The following PAWR variants were observed in gnomAD, a reference collection of about 807,000 sequenced individuals.
The protein encoded by PAWR is pro-apoptotic WT1 regulator, also known as PRKC apoptosis WT1 regulator protein.
In PAWR, 23 loss-of-function variants were observed where a neutral mutation model predicts 32.0. The ratio of observed to expected loss-of-function variants is 0.72; its 90% CI spans 0.52 to 1.02. PAWR has a LOEUF of 1.02. Among genes scored for constraint, PAWR ranks in the 50% least tolerant of loss-of-function variants. The pLI is 0.00. For missense variants in PAWR, 457 were observed against 437.7 expected (o/e 1.04, Z -0.39); for synonymous variants, 226 against 187.1 (o/e 1.21, Z -1.70).
At chr12:79,653,731 G>A (rs1055033705) in intron 2 of PAWR, among the ~76,000 whole-genome samples, 2 of 152,132 alleles carry the variant, frequency 1.3e-5, no homozygotes, top group Non-Finnish European at 1.5e-5. Context: ...CGCCCGCCTC[G>A]GCCTCCCAAA....
At chr12:79,683,299 C>T (rs1878530333) in intron 2 of PAWR, among the ~76,000 whole-genome samples, 1 of 152,192 alleles carries the variant, frequency 6.6e-6, no homozygotes. Context: ...AACATTTTCA[C>T]AAACATCATT....
chr12:79,639,182 T>C (rs777368603), intron 2 of PAWR, among the ~76,000 whole-genome samples: 41 of 151,490 alleles, frequency 2.7e-4, no homozygotes, highest in Non-Finnish European at 5.5e-4. Context: ...CAGTGCTGGA[T>C]AGGTGTGACA....
chr12:79,597,909 C>G (rs1873822272), intron 4 of PAWR: 1 of 152,092 alleles, frequency 6.6e-6, no homozygotes, highest in Non-Finnish European at 1.5e-5. Flanking sequence ...AGTTTTTAAT[C>G]AAGATGTTGG....
At chr12:79,657,623 C>T (rs1877155194) in intron 2 of PAWR, among the ~76,000 whole-genome samples, 1 of 152,010 alleles carries the variant, frequency 6.6e-6, no homozygotes, top group Admixed American at 6.6e-5. Flanking sequence ...AACCCCGTCT[C>T]TACTAAAAAC....
In PAWR at chr12:79,590,537, G is replaced by A. The variant is rs1873523441; in HGVS notation, c.*2070C>T. The A allele has an allele frequency of 6.6e-6, 1 of 152,094 alleles. No individual in the cohort carries two copies. Among genetic ancestry groups the A allele is most frequent in the South Asian group, 2.1e-4 (1 of 4,826 alleles). The allele number at this position is 152,094 out of a possible 1,614,324, so 9.4% of individuals were successfully genotyped here. A position where few individuals can be genotyped will look rare whatever the true frequency, so the allele number is the denominator to read the frequency against. On this transcript the variant is annotated 3_prime_UTR_variant, in exon 7 of 7. Transcript: ENST00000328827. ...ATAATTTTTTTAAGTGAAATGAAATGTTCCTTTATTTACATATGAATTAAA... is the reference window on the plus strand; with the variant it reads ...ATAATTTTTTTAAGTGAAATGAAATATTCCTTTATTTACATATGAATTAAA...
chr12:79,618,723 T>C (rs1874863621), intron 3 of PAWR, among the ~76,000 whole-genome samples: 1 of 152,150 alleles, frequency 6.6e-6, no homozygotes, highest in Admixed American at 6.6e-5. Flanking sequence ...CTGAAATAAG[T>C]CCCTGATAAT....
intron 2 of PAWR, among the ~76,000 whole-genome samples, chr12:79,650,430 G>C (rs1876786248): frequency 6.6e-6 from 1 of 152,072 alleles, no homozygotes; most frequent in Non-Finnish European, 1.5e-5. Context: ...AGACTCATCT[G>C]TATATTGCCA....
chr12:79,637,386 TA>T (rs1438623768), intron 2 of PAWR, among the ~76,000 whole-genome samples: 1 of 152,070 alleles, frequency 6.6e-6, no homozygotes, highest in East Asian at 1.9e-4. Flanking sequence ...TCTCTGGTAA[TA>T]CCCTTTTCAT....
rs546041672 is a variant in PAWR, at chr12:79,585,035, A to G, written c.*7572T>C. 1 of 346,502 alleles carries G rather than the reference A, an allele frequency of 2.9e-6. No individual in the cohort carries two copies. Among genetic ancestry groups the G allele is most frequent in the South Asian group, 2.3e-5 (1 of 43,502 alleles). The allele number at this position is 346,502 out of a possible 1,614,324, so 21.5% of individuals were successfully genotyped here. A position where few individuals can be genotyped will look rare whatever the true frequency, so the allele number is the denominator to read the frequency against. On this transcript the variant is annotated 3_prime_UTR_variant, in exon 7 of 7. Transcript: ENST00000328827. ...CATAGTCTCTTGGACTTGAGAATCC[A>G]TTTGAGTTTCAGAAAGAATACTAAA...
chr12:79,653,451 T>C (rs549472834), intron 2 of PAWR, among the ~76,000 whole-genome samples: 47 of 152,248 alleles, frequency 3.1e-4, no homozygotes, highest in African/African-American at 1.1e-3. Context: ...TCAATTTTCT[T>C]AAATATTTTT....
chr12:79,640,738 C>T lies in PAWR; in HGVS notation c.517-19531G>A, dbSNP rs149920126. ...CTCCAGCCTGGGTGCCAGAGCAAGA[C>T]CCTGTCTTTAAAAAATAAAAATAAA... is the stretch of plus-strand genomic sequence containing the variant. On this transcript the variant is annotated intron_variant, in intron 2 of 6. Coordinates refer to ENST00000328827, the MANE Select transcript of PAWR (RefSeq NM_002583.4). Among the ~76,000 whole-genome samples the T allele has an allele frequency of 3.9e-3, 595 of 152,160 alleles. 10 individuals are homozygous for T. Among genetic ancestry groups the T allele is most frequent in the Admixed American group, 0.028 (435 of 15,278 alleles).
intron 2 of PAWR, among the ~76,000 whole-genome samples, chr12:79,657,422 A>G (rs891825895): frequency 2.0e-5 from 3 of 149,594 alleles, no homozygotes; most frequent in Non-Finnish European, 3.0e-5. Flanking sequence ...AATATATTTA[A>G]AAAAAAAAAA....
intron 3 of PAWR, among the ~76,000 whole-genome samples, chr12:79,615,717 TC>T (rs1399261498): frequency 5.3e-5 from 8 of 152,216 alleles, no homozygotes; most frequent in African/African-American, 1.9e-4. Flanking sequence ...TTATGTATAC[TC>T]ACTCAAAATA....
chr12:79,688,406 G>A (rs1475713912), intron 2 of PAWR: 2 of 148,536 alleles, frequency 1.3e-5, no homozygotes, highest in Non-Finnish European at 3.0e-5. Context: ...AAATCAAGTT[G>A]AGGAATGTAG....
At chr12:79,660,975 C>T (rs750535533) in intron 2 of PAWR, among the ~76,000 whole-genome samples, 4 of 151,494 alleles carry the variant, frequency 2.6e-5, no homozygotes, top group Admixed American at 6.6e-5. Context: ...TCCTTAAGAG[C>T]GTACAATTTT....
chr12:79,681,639 T>C (rs572286355), intron 2 of PAWR, among the ~76,000 whole-genome samples: 1 of 152,218 alleles, frequency 6.6e-6, no homozygotes, highest in South Asian at 2.1e-4. Context: ...AGATAACAGG[T>C]TTTTCTACCT....
At chr12:79,614,811 T>C (rs1369879773) in intron 3 of PAWR, among the ~76,000 whole-genome samples, 1 of 152,144 alleles carries the variant, frequency 6.6e-6, no homozygotes, top group Non-Finnish European at 1.5e-5. Flanking sequence ...GATAAAAGAC[T>C]AGCAATGTGG....
chr12:79,660,242 A>G (rs544974332), intron 2 of PAWR, among the ~76,000 whole-genome samples: 5 of 152,350 alleles, frequency 3.3e-5, no homozygotes, highest in Non-Finnish European at 5.9e-5. Flanking sequence ...AACAGGTAAC[A>G]GCACAGATAA....
chr12:79,641,074 C>G (rs913644668), intron 2 of PAWR, among the ~76,000 whole-genome samples: 2 of 152,160 alleles, frequency 1.3e-5, no homozygotes, highest in Non-Finnish European at 2.9e-5. Context: ...ATGTTAGGTT[C>G]ATTTTAACTT....
Sources: allele counts gnomAD v4.1 joint callset (sites outside exome capture counted in the v4.1 genomes callset), GRCh38; gene constraint gnomAD v4.1.1; transcripts MANE v1.5; gene names NCBI Gene and HGNC (gene_info 2026-07-23, HGNC 2026-07-21).